The following NAPA variants were observed in gnomAD, a reference collection of about 807,000 sequenced individuals.
NAPA encodes alpha-soluble NSF attachment protein.
A neutral mutation model predicts 48.0 loss-of-function variants in NAPA; 18 were observed. The observed-to-expected ratio is 0.38, with a 90% CI of 0.26 to 0.56. The LOEUF is 0.56. NAPA is among the 20% of genes least tolerant of loss of function. The probability of loss-of-function intolerance (pLI) is 0.77; values close to 1 mark genes in which losing one functional copy is unlikely to be tolerated. For missense variants in NAPA, 315 were observed against 385.0 expected (o/e 0.82, Z 1.52); for synonymous variants, 152 against 149.9 (o/e 1.01, Z -0.10).
chr19:47,513,500 A>G (rs1968843572), intron 1 of NAPA, among the ~76,000 whole-genome samples: 1 of 152,242 alleles, frequency 6.6e-6, no homozygotes, highest in Non-Finnish European at 1.5e-5. Context: ...AAAGTCATGA[A>G]GTAAGTGGCA....
chr19:47,486,007 A>G (rs879730258), downstream of NAPA, among the ~76,000 whole-genome samples: 1 of 152,194 alleles, frequency 6.6e-6, no homozygotes, highest in Non-Finnish European at 1.5e-5. Context: ...TCATCCTGTT[A>G]AGAGGTTTCC....
chr19:47,502,952 T>C (rs1327918420), intron 2 of NAPA, among the ~76,000 whole-genome samples: 1 of 152,202 alleles, frequency 6.6e-6, no homozygotes, highest in African/African-American at 2.4e-5. Context: ...ATCTGTAAAA[T>C]AGGGATATTT....
In NAPA at chr19:47,514,742, C is replaced by T. The variant is rs1298889834; in HGVS notation, c.98+101G>A. Reference sequence around the variant, plus strand: ...ACCTTATTGCAGGTTCCTCTCCGTCCCCTCGGCCCGAGCTCTGCGTGCCCT... The same window carrying T: ...ACCTTATTGCAGGTTCCTCTCCGTCTCCTCGGCCCGAGCTCTGCGTGCCCT... On this transcript the variant is annotated intron_variant, in intron 1 of 10. Transcript: ENST00000263354. 8.0e-6 allele frequency: 9 copies of T among 1,127,596 alleles called. No individual in the cohort carries two copies. The East Asian group carries it at 2.1e-4, about 26-fold the overall frequency. 69.8% of individuals were successfully genotyped at this position (1,127,596 alleles called of 1,614,324 possible). A position where few individuals can be genotyped will look rare whatever the true frequency, so the allele number is the denominator to read the frequency against.
At chr19:47,504,212 G>A (rs939275968) in intron 1 of NAPA, among the ~76,000 whole-genome samples, 4 of 151,854 alleles carry the variant, frequency 2.6e-5, no homozygotes, top group Non-Finnish European at 5.9e-5. Flanking sequence ...TGGGCCACAC[G>A]GCAAAACCCC....
chr19:47,494,759 G>A (rs1034440735), intron 4 of NAPA, among the ~76,000 whole-genome samples: 16 of 76,582 alleles, frequency 2.1e-4, no homozygotes, highest in East Asian at 1.2e-3. Flanking sequence ...AAAAAAAAAA[G>A]AGAGAGAGAG....
In NAPA at chr19:47,490,196, T is replaced by A. The variant is rs545068825; in HGVS notation, c.736-435A>T. Among the ~76,000 whole-genome samples, 146 of 137,380 alleles carry A rather than the reference T, an allele frequency of 1.1e-3. 1 individual carries two copies. The highest frequency in any genetic ancestry group is 3.9e-3 in the African/African-American group (141 of 36,100). The allele number at this position is 137,380 out of a possible 152,430, so 90.1% of individuals were successfully genotyped here. On this transcript the variant is annotated intron_variant, in intron 9 of 10. Coordinates refer to ENST00000263354, the MANE Select transcript of NAPA (RefSeq NM_003827.4). The stretch of plus-strand genomic sequence containing the variant: ...TGTGGTGTGTGTAGTGTGTGTGCAA[T>A]GTGTGTGTGTGGGGTGTGTCATGTG...
downstream of NAPA, among the ~76,000 whole-genome samples, chr19:47,486,544 G>T (rs935360936): frequency 2.6e-5 from 4 of 152,056 alleles, no homozygotes; most frequent in Non-Finnish European, 5.9e-5. Context: ...CAAGTGATCC[G>T]CCTGCCTCGG....
chr19:47,493,540 C>T lies in NAPA; in HGVS notation c.343-47G>A, dbSNP rs770629830. 6.4e-6 allele frequency: 10 copies of T among 1,553,344 alleles called. No homozygotes were observed. The highest frequency in any genetic ancestry group is 4.5e-5 in the South Asian group (4 of 89,816). On this transcript the variant is annotated intron_variant, in intron 4 of 10. Coordinates refer to ENST00000263354, the MANE Select transcript of NAPA (RefSeq NM_003827.4). This position sits in a 1 kb window ranked among gnomAD's most constrained non-coding sequence, Gnocchi z 6.4. ...GCTGCCTGCGACTCATGACCTCCTG[C>T]GTGCCTGCCTGCTGACCTATGACCC...
intron 10 of NAPA, chr19:47,489,031 C>T (rs1041581093): frequency 6.6e-6 from 1 of 152,558 alleles, no homozygotes. Flanking sequence ...AAGCCACGGC[C>T]TGCTGGGCAT....
intron 3 of NAPA, chr19:47,495,907 A>G (rs1216567082): frequency 2.5e-6 from 1 of 400,952 alleles, no homozygotes; most frequent in Non-Finnish European, 4.7e-6. Context: ...GACAGGGCAC[A>G]GCAGTGCTAG....
chr19:47,497,509 T>C (rs1167990573), intron 3 of NAPA: 2 of 152,690 alleles, frequency 1.3e-5, no homozygotes, highest in African/African-American at 4.8e-5. Context: ...GACACACTCA[T>C]GACTGCTACT....
intron 3 of NAPA, among the ~76,000 whole-genome samples, chr19:47,497,926 C>T (rs1468618187): frequency 1.3e-5 from 2 of 152,198 alleles, no homozygotes; most frequent in East Asian, 1.9e-4. Context: ...ACTGCCCCCA[C>T]CCCCAACTAT....
rs143048813 is a variant in NAPA, at chr19:47,504,998, A to G, written c.99-1496T>C. Among the ~76,000 whole-genome samples, 58 of 152,298 alleles carry G rather than the reference A, an allele frequency of 3.8e-4. 2 individuals are homozygous for G. In the East Asian group the frequency reaches 0.011, roughly 29 times the overall value. On this transcript the variant is annotated intron_variant, in intron 1 of 10. Transcript: ENST00000263354. ...TTCACTCTGGCTTCTTGACCTCCAC[A>G]TGTACATAATGAGCCTCCTCTTGAC... is the stretch of plus-strand genomic sequence containing the variant.
intron 1 of NAPA, among the ~76,000 whole-genome samples, chr19:47,511,854 G>A (rs753126401): frequency 1.2e-4 from 19 of 152,136 alleles, no homozygotes; most frequent in Admixed American, 2.6e-4. Flanking sequence ...TAGTATTACC[G>A]GCACTGCAAC....
At chr19:47,512,817 G>C (rs1968830471) in intron 1 of NAPA, 1 of 152,198 alleles carries the variant, frequency 6.6e-6, no homozygotes, top group Admixed American at 6.6e-5. Context: ...TCAAACAAGG[G>C]GCGTGGCCTA....
chr19:47,500,532 C>T, intron 3 of NAPA, 101 bp downstream of exon 3: 2 of 931,432 alleles, frequency 2.1e-6, no homozygotes, highest in Middle Eastern at 3.5e-4. Flanking sequence ...ACATGTCGGC[C>T]ACTGGAAAAA....
intron 10 of NAPA, 130 bp from the exon 11 acceptor site, chr19:47,488,519 G>A: frequency 1.6e-6 from 1 of 643,750 alleles, no homozygotes. Flanking sequence ...AGTAGAGGGA[G>A]GGCTTGAGGC....
At position 47,492,943 on chromosome 19, in the gene NAPA, A is replaced by G; in HGVS notation, c.561+18T>C. On this transcript the variant is annotated intron_variant, in intron 7 of 10. Coordinates refer to ENST00000263354, the MANE Select transcript of NAPA (RefSeq NM_003827.4). ...GAGAGGGGGCAGGGTGGAAGCCGCC[A>G]TCCCCACCTGTCCCCACCTGTTCGT... 2 of 1,613,156 alleles carry G rather than the reference A, an allele frequency of 1.2e-6. No homozygotes were observed. Among genetic ancestry groups the G allele is most frequent in the South Asian group, 1.1e-5 (1 of 91,062 alleles).
Position 47,489,743 on chromosome 19 carries a change from C to T in NAPA, c.754G>A (p.Glu252Lys), listed in dbSNP as rs773405824. ...GTGTAGCTGTCCACATTCTGCTCCT[C>T]GTGGGCCTCTAGCAATTTCTGCAAG... ...KLMKKLLEAH[E>K]EQNVDSYTES... Residue 252 changes from glutamate (E) to lysine (K), a missense_variant, in exon 10 of 11, where the codon GAG (glutamate) becomes AAG (lysine). Around this residue, in one of 3 missense-constraint regions of NAPA, gnomAD observed 137 missense variants for 150.1 expected, o/e 0.91. Coordinates refer to ENST00000263354, the MANE Select transcript of NAPA (RefSeq NM_003827.4). 29 of 1,613,970 alleles carry T rather than the reference C, an allele frequency of 1.8e-5. No homozygotes were observed. The highest frequency in any genetic ancestry group is 3.3e-5 in the South Asian group (3 of 91,074).
Sources: allele counts gnomAD v4.1 joint callset (sites outside exome capture counted in the v4.1 genomes callset), GRCh38; gene constraint gnomAD v4.1.1; regional missense constraint gnomAD v4.1.1; non-coding constraint Gnocchi (gnomAD v3.1); transcripts MANE v1.5; gene names NCBI Gene and HGNC (gene_info 2026-07-23, HGNC 2026-07-21).